The following PLEKHA5 variants were observed in gnomAD, a reference collection of about 807,000 sequenced individuals.
PLEKHA5 encodes pleckstrin homology domain containing A5.
PLEKHA5 carries 55 observed loss-of-function variants against 181.9 expected under a neutral mutation model. The ratio of observed to expected loss-of-function variants is 0.30; its 90% confidence interval spans 0.24 to 0.38. The LOEUF (loss-of-function observed/expected upper bound fraction) is 0.38. PLEKHA5 is among the 10% of genes least tolerant of loss of function. PLEKHA5 has a pLI of 1.00. For missense variants in PLEKHA5, 1,432 were observed against 1,549.5 expected (o/e 0.92, Z 1.27); for synonymous variants, 535 against 529.4 (o/e 1.01, Z -0.15).
chr12:19,305,675 G>A (rs1464713673), intron 15 of PLEKHA5, among the ~76,000 whole-genome samples: 4 of 151,700 alleles, frequency 2.6e-5, no homozygotes, highest in East Asian at 3.9e-4. Context: ...CCTGACTACC[G>A]TGGAGAAACC....
chr12:19,349,644 C>T lies in PLEKHA5; in HGVS notation c.3019+1125C>T, dbSNP rs113537833. Among the ~76,000 whole-genome samples, 815 of 151,810 alleles carry T rather than the reference C, an allele frequency of 5.4e-3. 4 individuals are homozygous for T. The highest frequency in any genetic ancestry group is 0.019 in the African/African-American group (786 of 41,382). On this transcript the variant is annotated intron_variant, in intron 25 of 31. Transcript: ENST00000429027. ...TAGATAGGCCAGGGGTGGTGGCTAA[C>T]GCCTGTAATCCCAGCACTTCAGGAG... is the stretch of plus-strand genomic sequence containing the variant.
At position 19,361,566 on chromosome 12, in the gene PLEKHA5, T is replaced by C; in HGVS notation, c.3484-16T>C. ...AAGAATTCTTTGAAAAGAAAATTTT[T>C]CTTTTTATTCTACAGTTAAAAAAAA... is the stretch of plus-strand genomic sequence containing the variant. On this transcript the variant is annotated splice_polypyrimidine_tract_variant and intron_variant, in intron 28 of 31. Transcript: ENST00000429027. The C allele has an allele frequency of 7.8e-7, 1 of 1,280,266 alleles. No individual in the cohort carries two copies. Among genetic ancestry groups the C allele is most frequent in the Non-Finnish European group, 1.1e-6 (1 of 906,910 alleles). The allele number at this position is 1,280,266 out of a possible 1,614,324, so 79.3% of individuals were successfully genotyped here. A position where few individuals can be genotyped will look rare whatever the true frequency, so the allele number is the denominator to read the frequency against.
chr12:19,161,582 G>A (rs2042978603), intron 3 of PLEKHA5, among the ~76,000 whole-genome samples: 1 of 152,124 alleles, frequency 6.6e-6, no homozygotes, highest in African/African-American at 2.4e-5. Context: ...CTTCTCAGGT[G>A]ATCCCAGTGT....
At chr12:19,292,891 A>T (rs1046983583) in intron 15 of PLEKHA5, among the ~76,000 whole-genome samples, 1 of 152,088 alleles carries the variant, frequency 6.6e-6, no homozygotes, top group South Asian at 2.1e-4. Flanking sequence ...GTGAACCAAG[A>T]TCACACCACT....
Position 19,306,662 on chromosome 12 carries a change from C to A in PLEKHA5, c.2038-8152C>A, listed in dbSNP as rs148007721. ...CATCGAGGTAATAGGTGACTGATCT[C>A]CCCGGGCGCTAGCTCTGAGCAGATG... On this transcript the variant is annotated intron_variant, in intron 15 of 31. Coordinates refer to ENST00000429027, the MANE Select transcript of PLEKHA5 (RefSeq NM_001256470.2). The A allele has an allele frequency of 2.9e-4, 415 of 1,443,560 alleles. 1 individual carries two copies. The East Asian group carries it at 9.2e-3, about 32-fold the overall frequency. The allele number at this position is 1,443,560 out of a possible 1,614,324, so 89.4% of individuals were successfully genotyped here. A position where few individuals can be genotyped will look rare whatever the true frequency, so the allele number is the denominator to read the frequency against.
chr12:19,153,104 T>C (rs931430980), intron 3 of PLEKHA5: 93 of 152,130 alleles, frequency 6.1e-4, no homozygotes, highest in African/African-American at 2.2e-3. Context: ...AGTACAGTGA[T>C]AGAAGCAACT....
Position 19,376,014 on chromosome 12 carries a change from A to C in PLEKHA5, c.*495A>C, listed in dbSNP as rs1353351424. On this transcript the variant is annotated 3_prime_UTR_variant, in exon 32 of 32. Transcript: ENST00000429027. Reference sequence around the variant, plus strand: ...TAAAAATTTTATATATATGTATTTAAAATGTGCCATTTTATTGCTAAGTGA... The same window carrying C: ...TAAAAATTTTATATATATGTATTTACAATGTGCCATTTTATTGCTAAGTGA... 1 of 152,164 alleles carries C rather than the reference A, an allele frequency of 6.6e-6. No homozygotes were observed. Among genetic ancestry groups the C allele is most frequent in the Non-Finnish European group, 1.5e-5 (1 of 67,954 alleles). The allele number at this position is 152,164 out of a possible 1,614,324, so 9.4% of individuals were successfully genotyped here. A position where few individuals can be genotyped will look rare whatever the true frequency, so the allele number is the denominator to read the frequency against.
At chr12:19,326,749 T>C (rs2092158601) in intron 20 of PLEKHA5, among the ~76,000 whole-genome samples, 1 of 152,194 alleles carries the variant, frequency 6.6e-6, no homozygotes, top group African/African-American at 2.4e-5. Flanking sequence ...GTCCCCAGTT[T>C]CACTGTTACC....
intron 25 of PLEKHA5, among the ~76,000 whole-genome samples, chr12:19,353,034 C>T (rs368519017): frequency 2.0e-5 from 3 of 151,784 alleles, no homozygotes; most frequent in South Asian, 2.1e-4. Context: ...GTGATCATCC[C>T]GCCTCAGCCT....
rs2077483947 is a variant in PLEKHA5, at chr12:19,287,552, A to G, written c.1859A>G (p.Lys620Arg). 1.3e-6 allele frequency: 2 copies of G among 1,555,858 alleles called. No individual in the cohort carries two copies. The highest frequency in any genetic ancestry group is 2.7e-5 in the African/African-American group (2 of 73,616). ...QSVSPQSLQG[K>R]TPEELTLLLI... Reference sequence around the variant, plus strand: ...GTTAGTCCCCAGAGCCTCCAAGGGAAAACGGTGAGTAATATCTTTATTTAC... The same window carrying G: ...GTTAGTCCCCAGAGCCTCCAAGGGAGAACGGTGAGTAATATCTTTATTTAC... The change falls in exon 13 of 32, where the codon AAA becomes AGA. Residue 620 changes from lysine (K) to arginine (R), a missense_variant. Around this residue, in one of 2 missense-constraint regions of PLEKHA5, gnomAD observed 1,143 missense variants for 1,168.4 expected, o/e 0.98. Transcript: ENST00000429027.
chr12:19,192,907 C>A (rs2051546316), intron 3 of PLEKHA5, among the ~76,000 whole-genome samples: 1 of 152,130 alleles, frequency 6.6e-6, no homozygotes, highest in Non-Finnish European at 1.5e-5. Flanking sequence ...CAAATCCAGC[C>A]TGCTGCCTGT....
At chr12:19,324,892 G>C (rs765230901) in intron 20 of PLEKHA5, among the ~76,000 whole-genome samples, 4 of 152,188 alleles carry the variant, frequency 2.6e-5, no homozygotes, top group Non-Finnish European at 5.9e-5. Context: ...GTGACAACTT[G>C]AGTCAAATCA....
chr12:19,347,037 A>G lies in PLEKHA5; in HGVS notation c.2753A>G (p.Tyr918Cys), dbSNP rs1042440784. ...VPPRPPLPRSYDFTEQPPIIP... is the reference protein window; with the variant it reads ...VPPRPPLPRSCDFTEQPPIIP... Reference sequence around the variant, plus strand: ...CCTCGTCCTCCACTTCCTCGGTCCTATGACTTTACAGAGCAGCCTCCCATA... The same window carrying G: ...CCTCGTCCTCCACTTCCTCGGTCCTGTGACTTTACAGAGCAGCCTCCCATA... Residue 918 changes from tyrosine (Y) to cysteine (C), a missense_variant, in exon 24 of 32, where the codon TAT becomes TGT. Around this residue, in one of 2 missense-constraint regions of PLEKHA5, gnomAD observed 1,143 missense variants for 1,168.4 expected, o/e 0.98. Transcript: ENST00000429027. The G allele has an allele frequency of 8.4e-6, 13 of 1,551,434 alleles. No homozygotes were observed. Among genetic ancestry groups the G allele is most frequent in the South Asian group, 2.4e-5 (2 of 83,974 alleles).
chr12:19,164,932 G>A (rs1055694889), intron 3 of PLEKHA5, among the ~76,000 whole-genome samples: 2 of 151,940 alleles, frequency 1.3e-5, no homozygotes, highest in African/African-American at 4.8e-5. Context: ...CTTCCTCCCT[G>A]CCGTTTTTCC....
intron 3 of PLEKHA5, among the ~76,000 whole-genome samples, chr12:19,223,537 G>T (rs2059287758): frequency 6.6e-6 from 1 of 151,942 alleles, no homozygotes; most frequent in African/African-American, 2.4e-5. Context: ...CTTTGTACAG[G>T]TTTAATTTGG....
rs189886716 is a variant in PLEKHA5, at chr12:19,172,580, A to G, written c.227+40130A>G. Among the ~76,000 whole-genome samples, 5 of 152,336 alleles carry G rather than the reference A, an allele frequency of 3.3e-5. No homozygotes were observed. The South Asian group carries it at 6.2e-4, about 19-fold the overall frequency. On this transcript the variant is annotated intron_variant, in intron 3 of 31. Transcript: ENST00000429027. ...AAATGCAAATTAAAATCACAGTTAT[A>G]TACATCGCATACCTGTTAGAATGGT...
chr12:19,164,414 C>CA (rs1372455497), intron 3 of PLEKHA5, among the ~76,000 whole-genome samples: 1 of 152,076 alleles, frequency 6.6e-6, no homozygotes, highest in Non-Finnish European at 1.5e-5. Flanking sequence ...AAACTGGTCT[C>CA]AAACTCCTGA....
intron 3 of PLEKHA5, among the ~76,000 whole-genome samples, chr12:19,138,926 C>G (rs2036489868): frequency 6.6e-6 from 1 of 151,956 alleles, no homozygotes; most frequent in Admixed American, 6.6e-5. Context: ...TCCGGGCAAG[C>G]CTTTGCAGAT....
rs150111845 is a variant in PLEKHA5, at chr12:19,322,375, A to C, written c.2283A>C (p.Gln761His). 3.7e-6 allele frequency: 6 copies of C among 1,611,772 alleles called. No individual in the cohort carries two copies. The African/African-American group carries it at 4.0e-5, about 11-fold the overall frequency. Residue 761 changes from glutamine (Q) to histidine (H), a missense_variant, in exon 19 of 32, where the codon CAA (glutamine) becomes CAC (histidine). Around this residue, in one of 2 missense-constraint regions of PLEKHA5, gnomAD observed 1,143 missense variants for 1,168.4 expected, o/e 0.98. Coordinates refer to ENST00000429027, the MANE Select transcript of PLEKHA5 (RefSeq NM_001256470.2). ...ATGCTCTGGAAGAGAAACTTCAGCA[A>C]CTCCACAAGGAGAAAGTAGGACAAT... Reference protein sequence around the residue: ...VVHALEEKLQQLHKEKYTLEQ... With the variant: ...VVHALEEKLQHLHKEKYTLEQ...
Sources: allele counts gnomAD v4.1 joint callset (sites outside exome capture counted in the v4.1 genomes callset), GRCh38; gene constraint gnomAD v4.1.1; regional missense constraint gnomAD v4.1.1; transcripts MANE v1.5; gene names NCBI Gene and HGNC (gene_info 2026-07-23, HGNC 2026-07-21).